The following FLT4 variants were observed in gnomAD, a reference collection of about 807,000 sequenced individuals.
The protein encoded by FLT4 is vascular endothelial growth factor receptor 3.
A neutral mutation model predicts 163.2 loss-of-function variants in FLT4; 30 were observed. The ratio of observed to expected loss-of-function variants is 0.18; its 90% CI spans 0.14 to 0.25. The LOEUF (loss-of-function observed/expected upper bound fraction) is 0.25, where lower values mean the gene tolerates loss of function less well. FLT4 is among the 10% of genes least tolerant of loss of function. FLT4 has a pLI of 1.00. For synonymous variants in FLT4, 884 were observed against 789.5 expected, an observed-to-expected ratio of 1.12 and a Z score of -2.01; for missense variants, 1,510 against 1,863.8, an observed-to-expected ratio of 0.81 and a Z score of 3.50.
intron 10 of FLT4, among the ~76,000 whole-genome samples, 166 bp from the exon 11 acceptor site, chr5:180,624,227 G>GTTTT (rs397737232): frequency 2.2e-5 from 3 of 135,088 alleles, no homozygotes; most frequent in East Asian, 4.5e-4. Context: ...GGACTTTGGT[G>GTTTT]TTTTTTTTTT....
In FLT4 at chr5:180,614,129, C is replaced by G. The variant is rs140531103; in HGVS notation, c.3270G>C (p.Val1090=). ...ACCACACGTCACTCTGCGTGGTGTA[C>G]ACCTTGTCGAAGATGCTTTCAGGGG... ...WMAPESIFDK[V]YTTQSDVWSF... The change falls in exon 24 of 30, where the codon GTG becomes GTC. Residue 1090 remains valine (V), a synonymous_variant. Transcript: ENST00000261937. The G allele has an allele frequency of 2.9e-5, 47 of 1,614,110 alleles. No homozygotes were observed. In the African/African-American group the frequency reaches 5.6e-4, roughly 19 times the overall value.
intron 18 of FLT4, 27 bp from the exon 19 acceptor site, chr5:180,619,393 GC>G (rs1279484908): frequency 1.9e-6 from 3 of 1,562,272 alleles, no homozygotes; most frequent in Non-Finnish European, 2.6e-6. Flanking sequence ...CCTCACACCG[GC>G]CCCGACCCTG....
At chr5:180,621,362 T>C in intron 13 of FLT4, 110 bp from the exon 14 acceptor site, 1 of 1,441,474 alleles carries the variant, frequency 6.9e-7, no homozygotes, top group Non-Finnish European at 9.4e-7. Context: ...GACTTAGGGG[T>C]TGTGCGCCGG....
intron 8 of FLT4, among the ~76,000 whole-genome samples, chr5:180,628,228 T>G (rs1348293443): frequency 6.6e-6 from 1 of 152,186 alleles, no homozygotes; most frequent in Non-Finnish European, 1.5e-5. Flanking sequence ...GTGAGCCATG[T>G]GGATGACTCA....
At chr5:180,633,050 T>C (rs894929394) in intron 1 of FLT4, among the ~76,000 whole-genome samples, 17 of 152,036 alleles carry the variant, frequency 1.1e-4, no homozygotes, top group African/African-American at 3.9e-4. Flanking sequence ...TCTAGCTCCC[T>C]GAGGCCCCAG....
chr5:180,608,091 C>T (rs1224428685), intron 29 of FLT4: 1 of 700,426 alleles, frequency 1.4e-6, no homozygotes, highest in South Asian at 1.5e-5. Flanking sequence ...AGGCCTAACC[C>T]CTCCCTGTGG....
At chr5:180,646,469 TGTCTCTGG>T (rs1173690073) in intron 1 of FLT4, among the ~76,000 whole-genome samples, 2 of 152,208 alleles carry the variant, frequency 1.3e-5, no homozygotes, top group Non-Finnish European at 2.9e-5. Context: ...TGGACTTGCC[TGTCTCTGG>T]GGCTTCATGG....
At chr5:180,639,933 C>T (rs1764974656) in intron 1 of FLT4, among the ~76,000 whole-genome samples, 1 of 152,238 alleles carries the variant, frequency 6.6e-6, no homozygotes, top group African/African-American at 2.4e-5. Flanking sequence ...CCGCAAAGCC[C>T]TGGCTCCCAA....
intron 2 of FLT4, 57 bp downstream of exon 2, chr5:180,631,625 T>C: frequency 7.1e-7 from 1 of 1,403,274 alleles, no homozygotes; most frequent in Admixed American, 1.7e-5. Context: ...AGCCACCACC[T>C]CCTGCCTTGG....
At chr5:180,607,510 G>A (rs1207474545) in intron 29 of FLT4, among the ~76,000 whole-genome samples, 4 of 151,668 alleles carry the variant, frequency 2.6e-5, no homozygotes, top group East Asian at 1.9e-4. Flanking sequence ...GCGTGGTGGC[G>A]GGTGCCTGTA....
Position 180,619,777 on chromosome 5 carries a change from G to T in FLT4, c.2543-8C>A, listed in dbSNP as rs757391008. On this transcript the variant is annotated splice_polypyrimidine_tract_variant and splice_region_variant and intron_variant, in intron 17 of 29. Transcript: ENST00000261937. ...CGTAGCCGAGCACTCTCCCTGTCGGGGCAGGGGGCCAGTTGCAGGTGAGCT... is the reference window on the plus strand; with the variant it reads ...CGTAGCCGAGCACTCTCCCTGTCGGTGCAGGGGGCCAGTTGCAGGTGAGCT... 1 of 1,606,782 alleles carries T rather than the reference G, an allele frequency of 6.2e-7. No individual in the cohort carries two copies. Among genetic ancestry groups the T allele is most frequent in the South Asian group, 1.1e-5 (1 of 90,902 alleles).
At chr5:180,609,849 T>C (rs1762033360) in intron 28 of FLT4, 56 bp downstream of exon 28, 2 of 1,607,040 alleles carry the variant, frequency 1.2e-6, no homozygotes, top group Admixed American at 1.7e-5. Context: ...CTGCCTCCCC[T>C]GAGGCGGCCC....
rs1159245162 is a variant in FLT4, at chr5:180,636,181, GCTTTTTCATGACATGTCTC to G, written c.59-4422_59-4404del. On this transcript the variant is annotated intron_variant, in intron 1 of 29. Coordinates refer to ENST00000261937, the MANE Select transcript of FLT4 (RefSeq NM_182925.5). This position sits in a 1 kb window ranked among gnomAD's most constrained non-coding sequence, Gnocchi z 4.3. ...CCAACCCTTTTGCCCATCCACGCAAGCTTTTTCATGACATGTCTCCTTTTTCATGACATACCATAACTTA... is the reference window on the plus strand; with the variant it reads ...CCAACCCTTTTGCCCATCCACGCAAGCTTTTTCATGACATACCATAACTTA... Among the ~76,000 whole-genome samples the G allele has an allele frequency of 2.6e-5, 4 of 152,048 alleles. No homozygotes were observed. Among genetic ancestry groups the G allele is most frequent in the African/African-American group, 4.8e-5 (2 of 41,366 alleles).
chr5:180,640,846 C>G lies in FLT4; in HGVS notation c.58+8642G>C, dbSNP rs1765046795. 2.0e-5 allele frequency among the ~76,000 whole-genome samples: 3 copies of G among 152,206 alleles called. No individual in the cohort carries two copies. In the South Asian group the frequency reaches 6.2e-4, roughly 32 times the overall value. On this transcript the variant is annotated intron_variant, in intron 1 of 29. Transcript: ENST00000261937. ...ATGGGACTGAGATGGGCTGGCTGTG[C>G]CATACCCTGGTGGGACAGGGTCCCG...
At chr5:180,621,380 C>G in intron 13 of FLT4, 128 bp from the exon 14 acceptor site, 5 of 1,398,838 alleles carry the variant, frequency 3.6e-6, no homozygotes, top group South Asian at 1.4e-5. Flanking sequence ...CGGGCAGGAG[C>G]GCGGCGCGCC....
chr5:180,639,956 G>A (rs1454860981), intron 1 of FLT4, among the ~76,000 whole-genome samples: 3 of 152,204 alleles, frequency 2.0e-5, no homozygotes, highest in South Asian at 2.1e-4. Flanking sequence ...CTGCAGCAGC[G>A]TGGTTGGGGC....
chr5:180,624,367 T>C (rs1417287456), intron 10 of FLT4, among the ~76,000 whole-genome samples: 3 of 151,998 alleles, frequency 2.0e-5, no homozygotes, highest in East Asian at 3.9e-4. Flanking sequence ...GCTGGGATTA[T>C]AGGCATGTGC....
rs2127791457 is a variant in FLT4, at chr5:180,611,410, A to T, written c.3607T>A (p.Ser1203Thr). The T allele has an allele frequency of 6.2e-7, 1 of 1,613,912 alleles. No individual in the cohort carries two copies. Among genetic ancestry groups the T allele is most frequent in the South Asian group, 1.1e-5 (1 of 91,070 alleles). ...TGGGCGATGTGTAGGGCCATGGTGG[A>T]CACCTGCGAGAAGCTGCCCTCTTCT... ...SSEEGSFSQVSTMALHIAQAD... is the reference protein window; with the variant it reads ...SSEEGSFSQVTTMALHIAQAD... The change falls in exon 27 of 30, where the codon TCC becomes ACC. Residue 1203 changes from serine to threonine, a missense_variant. By Grantham distance (58) the Ser-to-Thr change is moderately conservative. This residue lies in a region of FLT4 where 295 missense variants were observed against 311.0 expected (regional missense o/e 0.95). Transcript: ENST00000261937.
chr5:180,623,941 C>G lies in FLT4; in HGVS notation c.1542G>C (p.Lys514Asn). ...LDTWTEFVEG[K>N]NKTVSKLVIQ... Reference sequence around the variant, plus strand: ...CAGCGCGGCTGGCCTGTACCTTATTCTTTCCCTCCACAAACTCGGTCCAGG... The same window carrying G: ...CAGCGCGGCTGGCCTGTACCTTATTGTTTCCCTCCACAAACTCGGTCCAGG... Residue 514 changes from lysine (K) to asparagine (N), a missense_variant, in exon 11 of 30, where the codon AAG becomes AAC. Lys to Asn is a moderately conservative substitution (Grantham distance 94, BLOSUM62 0). This residue lies in a region of FLT4 where 878 missense variants were observed against 1,016.7 expected (regional missense o/e 0.86). Coordinates refer to ENST00000261937, the MANE Select transcript of FLT4 (RefSeq NM_182925.5). This position sits in a 1 kb window ranked among gnomAD's most constrained non-coding sequence, Gnocchi z 5.8. 1 of 1,613,632 alleles carries G rather than the reference C, an allele frequency of 6.2e-7. No homozygotes were observed. Among genetic ancestry groups the G allele is most frequent in the Non-Finnish European group, 8.5e-7 (1 of 1,179,994 alleles).
Sources: allele counts gnomAD v4.1 joint callset (sites outside exome capture counted in the v4.1 genomes callset), GRCh38; gene constraint gnomAD v4.1.1; regional missense constraint gnomAD v4.1.1; non-coding constraint Gnocchi (gnomAD v3.1); transcripts MANE v1.5; gene names NCBI Gene and HGNC (gene_info 2026-07-23, HGNC 2026-07-21).